The following DPYSL5 variants were observed in gnomAD, a reference collection of about 807,000 sequenced individuals.
The protein encoded by DPYSL5 is dihydropyrimidinase like 5, also known as dihydropyrimidinase-related protein 5.
In DPYSL5, 9 loss-of-function variants were observed where a neutral mutation model predicts 58.4. That is an observed-to-expected ratio of 0.15 (90% CI 0.09 to 0.27). The LOEUF is 0.27. DPYSL5 is among the 10% of genes least tolerant of loss of function. The pLI is 1.00. For synonymous variants in DPYSL5, 293 were observed against 301.9 expected (o/e 0.97, Z 0.31); for missense variants, 499 against 770.6 (o/e 0.65, Z 4.17).
intron 1 of DPYSL5, among the ~76,000 whole-genome samples, chr2:26,875,577 C>A (rs935995433): frequency 1.3e-5 from 2 of 152,170 alleles, no homozygotes; most frequent in African/African-American, 4.8e-5. Flanking sequence ...CTGCCCTCAG[C>A]AACAGAGGAG....
intron 1 of DPYSL5, among the ~76,000 whole-genome samples, chr2:26,853,901 G>A (rs989335750): frequency 6.6e-6 from 1 of 152,032 alleles, no homozygotes; most frequent in South Asian, 2.1e-4. Flanking sequence ...TTAGCCAGGT[G>A]GGGTGGCACA....
At chr2:26,908,739 G>A (rs190667249) in intron 2 of DPYSL5, among the ~76,000 whole-genome samples, 6 of 152,230 alleles carry the variant, frequency 3.9e-5, no homozygotes, top group Admixed American at 6.5e-5. Flanking sequence ...GCAATCTTTC[G>A]TGCTTAGTAC....
chr2:26,919,785 G>GA, intron 2 of DPYSL5, among the ~76,000 whole-genome samples: 2 of 152,182 alleles, frequency 1.3e-5, no homozygotes, highest in African/African-American at 4.8e-5. Context: ...CTTCCTGGCA[G>GA]TGTCCACCTA....
At chr2:26,861,578 T>A (rs1276679619) in intron 1 of DPYSL5, among the ~76,000 whole-genome samples, 2 of 152,174 alleles carry the variant, frequency 1.3e-5, no homozygotes, top group Non-Finnish European at 2.9e-5. Context: ...GAGAGAATGG[T>A]GATTTTTGCC....
intron 6 of DPYSL5, among the ~76,000 whole-genome samples, chr2:26,932,247 C>T (rs904369739): frequency 6.6e-6 from 1 of 151,408 alleles, no homozygotes; most frequent in Non-Finnish European, 1.5e-5. Flanking sequence ...CCAACCTCTA[C>T]GATGCAGCCC....
At chr2:26,903,580 G>A (rs944759947) in intron 2 of DPYSL5, among the ~76,000 whole-genome samples, 3 of 152,146 alleles carry the variant, frequency 2.0e-5, no homozygotes, top group African/African-American at 7.2e-5. Flanking sequence ...AGGGGTTTGA[G>A]TGGCACAGGC....
At chr2:26,941,152 A>G (rs1572721773) in intron 9 of DPYSL5, among the ~76,000 whole-genome samples, 1 of 151,800 alleles carries the variant, frequency 6.6e-6, no homozygotes, top group East Asian at 1.9e-4. Context: ...GGTTGGTCAG[A>G]TGGTCTCGAT....
chr2:26,916,547 G>T (rs1242179492), intron 2 of DPYSL5, among the ~76,000 whole-genome samples: 1 of 152,144 alleles, frequency 6.6e-6, no homozygotes, highest in Admixed American at 6.5e-5. Flanking sequence ...ATTAATCAAA[G>T]TCCCCACAGT....
intron 5 of DPYSL5, among the ~76,000 whole-genome samples, 195 bp from the exon 6 acceptor site, chr2:26,931,445 G>T (rs367898236): frequency 6.6e-6 from 1 of 151,694 alleles, no homozygotes. Context: ...TCCAGCAAGG[G>T]CGTGCCTGGT....
chr2:26,874,205 C>T (rs1663344095), intron 1 of DPYSL5, among the ~76,000 whole-genome samples: 3 of 152,066 alleles, frequency 2.0e-5, no homozygotes, highest in South Asian at 4.1e-4. Context: ...AATGTTTTAT[C>T]CCAGTCTATG....
At chr2:26,916,179 T>G (rs1488020515) in intron 2 of DPYSL5, among the ~76,000 whole-genome samples, 1 of 152,154 alleles carries the variant, frequency 6.6e-6, no homozygotes, top group Non-Finnish European at 1.5e-5. Context: ...GCTTGCTGCT[T>G]CTTCCAAGAA....
chr2:26,932,169 A>C lies in DPYSL5; in HGVS notation c.714+485A>C, dbSNP rs190340128. 8.8e-4 allele frequency among the ~76,000 whole-genome samples: 60 copies of C among 67,820 alleles called. 1 individual carries two copies. Among genetic ancestry groups the C allele is most frequent in the Non-Finnish European group, 1.1e-3 (36 of 32,000 alleles). The allele number at this position is 67,820 out of a possible 152,430, so 44.5% of individuals were successfully genotyped here. ...AAAGAAAGAAAGAAAGAAAGAAAGA[A>C]AGAAAGAAAGAAAGAAAGAAAGAAA... On this transcript the variant is annotated intron_variant, in intron 6 of 12. Coordinates refer to ENST00000288699, the MANE Select transcript of DPYSL5 (RefSeq NM_020134.4).
intron 5 of DPYSL5, among the ~76,000 whole-genome samples, chr2:26,930,975 G>GA (rs1195080886): frequency 1.2e-3 from 155 of 129,682 alleles, no homozygotes; most frequent in East Asian, 2.9e-3. Flanking sequence ...CTCCGTCTGG[G>GA]AAAAAAAAAA....
intron 6 of DPYSL5, among the ~76,000 whole-genome samples, 195 bp downstream of exon 6, chr2:26,931,879 G>A (rs1331917160): frequency 6.6e-6 from 1 of 151,026 alleles, no homozygotes; most frequent in Non-Finnish European, 1.5e-5. Flanking sequence ...GTGGTGGCGT[G>A]CACCTGTAAT....
Position 26,948,576 on chromosome 2 carries a change from TGGCCG to T in DPYSL5, c.*1584_*1588del, listed in dbSNP as rs1665549020. ...GGACCCTCGGTTAAAGGTCAGCCCC[TGGCCG>T]GGTGCGGTGGCTCACGCCTGTAATC... On this transcript the variant is annotated 3_prime_UTR_variant, in exon 13 of 13. Coordinates refer to ENST00000288699, the MANE Select transcript of DPYSL5 (RefSeq NM_020134.4). 1.3e-5 allele frequency: 2 copies of T among 152,612 alleles called. No homozygotes were observed. The highest frequency in any genetic ancestry group is 4.1e-4 in the South Asian group (2 of 4,840). 9.5% of individuals were successfully genotyped at this position (152,612 alleles called of 1,614,324 possible). A position where few individuals can be genotyped will look rare whatever the true frequency, so the allele number is the denominator to read the frequency against.
Position 26,933,169 on chromosome 2 carries a change from G to A in DPYSL5, c.715-89G>A. The A allele has an allele frequency of 8.3e-7, 1 of 1,201,330 alleles. No individual in the cohort carries two copies. Among genetic ancestry groups the A allele is most frequent in the South Asian group, 1.2e-5 (1 of 82,182 alleles). 74.4% of individuals were successfully genotyped at this position (1,201,330 alleles called of 1,614,324 possible). A position where few individuals can be genotyped will look rare whatever the true frequency, so the allele number is the denominator to read the frequency against. On this transcript the variant is annotated intron_variant, in intron 6 of 12. Transcript: ENST00000288699. The surrounding 1 kb of genome is among the most constrained non-coding windows in gnomAD (Gnocchi z 4.2). Reference sequence around the variant, plus strand: ...TTGAGTGACGCAGGGGGAGGCGCTGGTGCCAGGGCTGACTTTGCCAGGGTT... The same window carrying A: ...TTGAGTGACGCAGGGGGAGGCGCTGATGCCAGGGCTGACTTTGCCAGGGTT...
At position 26,905,368 on chromosome 2, in the gene DPYSL5, T is replaced by C. The variant is rs974220557; in HGVS notation, c.261+6608T>C. On this transcript the variant is annotated intron_variant, in intron 2 of 12. Transcript: ENST00000288699. The surrounding 1 kb of genome is among the most constrained non-coding windows in gnomAD (Gnocchi z 4.0). The stretch of plus-strand genomic sequence containing the variant: ...ATACAATAAATGCTAGTCCCCAGGC[T>C]GGGACTACCTGCTTCCACCCCAGGC... Among the ~76,000 whole-genome samples the C allele has an allele frequency of 1.3e-5, 2 of 152,248 alleles. No homozygotes were observed. Among genetic ancestry groups the C allele is most frequent in the Non-Finnish European group, 2.9e-5 (2 of 68,050 alleles).
intron 9 of DPYSL5, 113 bp downstream of exon 9, chr2:26,940,285 T>C (rs900322087): frequency 3.8e-6 from 5 of 1,330,816 alleles, no homozygotes; most frequent in Non-Finnish European, 5.0e-6. Flanking sequence ...AGAATGTTCT[T>C]AGAAGGGCTG....
At chr2:26,931,606 A>C (rs1448927811) in intron 5 of DPYSL5, 34 bp from the exon 6 acceptor site, 2 of 1,613,168 alleles carry the variant, frequency 1.2e-6, no homozygotes, top group Non-Finnish European at 1.7e-6. Flanking sequence ...GAGATGGTGA[A>C]GTTTGGTTTC....
Sources: gnomAD v4.1 joint callset for allele counts (sites outside exome capture counted in the v4.1 genomes callset) on GRCh38, gnomAD v4.1.1 for gene constraint, Gnocchi (gnomAD v3.1) non-coding constraint, MANE v1.5 for transcripts, NCBI Gene and HGNC (gene_info 2026-07-23, HGNC 2026-07-21) for gene names.